The following TTF1 variants were observed in gnomAD, a reference collection of about 807,000 sequenced individuals.
TTF1 encodes transcription termination factor 1.
TTF1 carries 64 observed loss-of-function variants against 80.2 expected under a neutral mutation model. The observed-to-expected ratio is 0.80, with a 90% CI of 0.65 to 0.98. TTF1 has a LOEUF of 0.98. Among genes scored for constraint, TTF1 ranks in the 50% least tolerant of loss-of-function variants. The pLI is 0.00. For synonymous variants in TTF1, 372 were observed against 382.7 expected (o/e 0.97, Z 0.33); for missense variants, 1,023 against 1,086.2 (o/e 0.94, Z 0.82).
At chr9:132,376,662 CTTTT>C (rs530150374) in intron 10 of TTF1, among the ~76,000 whole-genome samples, 20 of 136,560 alleles carry the variant, frequency 1.5e-4, no homozygotes, top group Middle Eastern at 3.8e-3. Flanking sequence ...AATCTGTATC[CTTTT>C]TTTTTTTTTT....
chr9:132,392,123 G>A lies in TTF1; in HGVS notation c.1940C>T (p.Ala647Val), dbSNP rs969045897. 4 of 1,614,134 alleles carry A rather than the reference G, an allele frequency of 2.5e-6. No individual in the cohort carries two copies. Among genetic ancestry groups the A allele is most frequent in the Non-Finnish European group, 3.4e-6 (4 of 1,180,028 alleles). Reference protein sequence around the residue: ...NDWKTIGEMVARSSLSVALKF... With the variant: ...NDWKTIGEMVVRSSLSVALKF... ...GAGGGCCACGGAGAGGCTACTTCGG[G>A]CCACCATCTCACCAATCGTCTTCCA... is the stretch of plus-strand genomic sequence containing the variant. The change falls in exon 6 of 11, where the codon GCC becomes GTC. Residue 647 changes from alanine to valine, a missense_variant. Physicochemically the swap from Ala to Val is moderately conservative, Grantham distance 64. Transcript: ENST00000334270.
intron 9 of TTF1, among the ~76,000 whole-genome samples, chr9:132,383,828 G>A (rs143873017): frequency 2.0e-5 from 3 of 152,044 alleles, no homozygotes; most frequent in African/African-American, 4.8e-5. Context: ...GTATCTTGGC[G>A]CTTTCTTTGC....
intron 9 of TTF1, among the ~76,000 whole-genome samples, chr9:132,379,953 T>C (rs1849338411): frequency 6.6e-6 from 1 of 152,212 alleles, no homozygotes; most frequent in Non-Finnish European, 1.5e-5. Flanking sequence ...CATGAAGAAT[T>C]TGATCTGCTA....
Position 132,392,142 on chromosome 9 carries a change from T to C in TTF1, c.1921A>G (p.Thr641Ala). 2 of 1,614,198 alleles carry C rather than the reference T, an allele frequency of 1.2e-6. No individual in the cohort carries two copies. Among genetic ancestry groups the C allele is most frequent in the South Asian group, 2.2e-5 (2 of 91,086 alleles). The change falls in exon 6 of 11, where the codon ACG becomes GCG. Residue 641 changes from threonine (T) to alanine (A), a missense_variant. Transcript: ENST00000334270. ...CTTCGGGCCACCATCTCACCAATCG[T>C]CTTCCAGTCATTCCCAAGGAGAGAA... is the stretch of plus-strand genomic sequence containing the variant. Reference protein sequence around the residue: ...YHSLLGNDWKTIGEMVARSSL... With the variant: ...YHSLLGNDWKAIGEMVARSSL...
intron 6 of TTF1, among the ~76,000 whole-genome samples, chr9:132,391,350 C>T (rs376005288): frequency 2.6e-5 from 4 of 152,162 alleles, no homozygotes; most frequent in South Asian, 2.1e-4. Flanking sequence ...GAGACATTCA[C>T]GGTCACGCTA....
chr9:132,402,028 T>C lies in TTF1; in HGVS notation c.794A>G (p.Gln265Arg). ...TTTTTTGTGAGTAGGTCCTAGTAGT[T>C]GTGGAGTTTCATCATCCAAGCCCAC... is the stretch of plus-strand genomic sequence containing the variant. The part of the protein sequence containing the change: ...PTVGLDDETP[Q>R]LLGPTHKKKS... Residue 265 changes from glutamine to arginine, a missense_variant, in exon 2 of 11, where the codon CAA becomes CGA. Coordinates refer to ENST00000334270, the MANE Select transcript of TTF1 (RefSeq NM_007344.4). The C allele has an allele frequency of 6.2e-7, 1 of 1,614,026 alleles. No homozygotes were observed. Among genetic ancestry groups the C allele is most frequent in the Non-Finnish European group, 8.5e-7 (1 of 1,180,020 alleles).
At chr9:132,387,762 A>C (rs1483160858) in intron 8 of TTF1, among the ~76,000 whole-genome samples, 1 of 152,216 alleles carries the variant, frequency 6.6e-6, no homozygotes, top group Non-Finnish European at 1.5e-5. Flanking sequence ...TGACACCAAC[A>C]AGCTCATGCT....
chr9:132,401,353 A>T lies in TTF1; in HGVS notation c.1367+102T>A, dbSNP rs527496320. 12 of 1,053,344 alleles carry T rather than the reference A, an allele frequency of 1.1e-5. No homozygotes were observed. In the East Asian group the frequency reaches 2.0e-4, roughly 18 times the overall value. 65.2% of individuals were successfully genotyped at this position (1,053,344 alleles called of 1,614,324 possible). ...AAAATAAATAAATAAATAAATAAAA[A>T]TAAAATTAAAAATAAAAAAAAGTCT... On this transcript the variant is annotated intron_variant, in intron 2 of 10. Transcript: ENST00000334270.
At chr9:132,395,049 G>A (rs914019055) in intron 5 of TTF1, among the ~76,000 whole-genome samples, 11 of 151,804 alleles carry the variant, frequency 7.2e-5, no homozygotes, top group Admixed American at 4.6e-4. Flanking sequence ...AAAATTAGCC[G>A]GGCGTGGTGG....
rs546466359 is a variant in TTF1, at chr9:132,401,505, T to C, written c.1317A>G (p.Gln439=). 1 of 1,614,080 alleles carries C rather than the reference T, an allele frequency of 6.2e-7. No individual in the cohort carries two copies. The highest frequency in any genetic ancestry group is 2.2e-5 in the East Asian group (1 of 44,888). Residue 439 remains glutamine, a synonymous_variant, in exon 2 of 11, where the codon CAA becomes CAG. Transcript: ENST00000334270. ...MEEGVKSRPR[Q]KKTQACLASK... is the part of the protein sequence containing the mutation. The stretch of plus-strand genomic sequence containing the variant: ...TTGCCAAACAGGCCTGGGTTTTCTT[T>C]TGTCGGGGCCTAGATTTCACACCTT...
At chr9:132,393,556 T>C (rs1326548534) in intron 5 of TTF1, among the ~76,000 whole-genome samples, 1 of 152,266 alleles carries the variant, frequency 6.6e-6, no homozygotes, top group African/African-American at 2.4e-5. Context: ...GTTAATTTAA[T>C]ATCTATAGAA....
At chr9:132,389,349 T>C (rs1361699411) in intron 7 of TTF1, among the ~76,000 whole-genome samples, 2 of 151,816 alleles carry the variant, frequency 1.3e-5, no homozygotes, top group African/African-American at 4.8e-5. Flanking sequence ...CGCCGGCTAA[T>C]TTTTTGTATT....
intron 1 of TTF1, among the ~76,000 whole-genome samples, chr9:132,406,439 TA>T (rs1404018601): frequency 6.6e-6 from 1 of 151,856 alleles, no homozygotes; most frequent in Non-Finnish European, 1.5e-5. Context: ...CTGTCTCTAC[TA>T]AAAATACAAA....
chr9:132,397,813 C>T (rs1044745599), intron 4 of TTF1, among the ~76,000 whole-genome samples: 4 of 152,040 alleles, frequency 2.6e-5, no homozygotes, highest in Non-Finnish European at 5.9e-5. Context: ...GGTGAAACCC[C>T]GTCTCTACTA....
chr9:132,380,809 C>T (rs1456827584), intron 9 of TTF1, among the ~76,000 whole-genome samples: 2 of 152,184 alleles, frequency 1.3e-5, no homozygotes, highest in African/African-American at 4.8e-5. Flanking sequence ...GACTAGATGC[C>T]ATAATCTCTA....
At chr9:132,382,468 A>C (rs1415206739) in intron 9 of TTF1, among the ~76,000 whole-genome samples, 2 of 152,200 alleles carry the variant, frequency 1.3e-5, no homozygotes, top group Non-Finnish European at 2.9e-5. Context: ...CAGTGATAGC[A>C]AACATCAGGA....
intron 9 of TTF1, among the ~76,000 whole-genome samples, chr9:132,382,128 G>T (rs1326243731): frequency 7.9e-5 from 12 of 152,196 alleles, no homozygotes. Context: ...GAGAGTGGTG[G>T]GCCCTCCAAT....
chr9:132,404,873 G>A (rs994368576), intron 1 of TTF1, among the ~76,000 whole-genome samples: 4 of 152,034 alleles, frequency 2.6e-5, no homozygotes, highest in Admixed American at 6.6e-5. Flanking sequence ...ACAGAGCAAA[G>A]CCGATTATTT....
chr9:132,379,158 A>T lies in TTF1; in HGVS notation c.2379-14T>A, dbSNP rs1299030267. The T allele has an allele frequency of 6.3e-7, 1 of 1,584,214 alleles. No homozygotes were observed. Among genetic ancestry groups the T allele is most frequent in the Non-Finnish European group, 8.6e-7 (1 of 1,165,094 alleles). On this transcript the variant is annotated splice_polypyrimidine_tract_variant and intron_variant, in intron 9 of 10. Transcript: ENST00000334270. ...GGAGGAACATCACTTTAGAAAAGGA[A>T]AGAAAAGATAAAAAGCAAGTTAGTT...
Sources: gnomAD v4.1 joint callset for allele counts (sites outside exome capture counted in the v4.1 genomes callset) on GRCh38, gnomAD v4.1.1 for gene constraint, MANE v1.5 for transcripts, NCBI Gene and HGNC (gene_info 2026-07-23, HGNC 2026-07-21) for gene names.